CSMD1: variants seen among roughly 807,000 people sequenced by gnomAD.
The protein encoded by CSMD1 is CUB and Sushi multiple domains 1, also known as CUB and sushi domain-containing protein 1.
Under a neutral mutation model 417.5 loss-of-function variants are expected in CSMD1, and 213 were observed. The ratio of observed to expected loss-of-function variants is 0.51; its 90% confidence interval spans 0.46 to 0.57. The LOEUF (loss-of-function observed/expected upper bound fraction) is 0.57. CSMD1 is among the 20% of genes least tolerant of loss of function. The pLI, the probability that CSMD1 is intolerant of heterozygous loss-of-function variation, is 0.00. For missense variants in CSMD1, 6,923 were observed against 4,529.7 expected (o/e 1.53, Z -15.17); for synonymous variants, 2,862 against 1,736.8 (o/e 1.65, Z -16.11).
chr8:3,760,246 G>T (rs1797918517), intron 5 of CSMD1, among the ~76,000 whole-genome samples: 1 of 152,124 alleles, frequency 6.6e-6, no homozygotes, highest in South Asian at 2.1e-4. Flanking sequence ...TTTAGAGATG[G>T]CAAAAGGAAC....
intron 5 of CSMD1, among the ~76,000 whole-genome samples, chr8:3,926,092 C>CACACACACACACAAACACCAT (rs1809674751): frequency 6.1e-5 from 3 of 49,506 alleles, no homozygotes; most frequent in Admixed American, 2.3e-4. Flanking sequence ...TACACACACA[C>CACACACACACACAAACACCAT]ACACACACAC....
intron 49 of CSMD1, among the ~76,000 whole-genome samples, chr8:3,065,702 AAGATGATAGATAGGAGAT>A (rs1214757683): frequency 2.0e-5 from 3 of 152,220 alleles, no homozygotes; most frequent in African/African-American, 7.2e-5. Context: ...CAGAGAAAGA[AAGATGATAGATAGGAGAT>A]AGCCTACAAA....
intron 2 of CSMD1, among the ~76,000 whole-genome samples, chr8:4,568,883 C>CT (rs1486369338): frequency 6.6e-6 from 1 of 152,096 alleles, no homozygotes; most frequent in Non-Finnish European, 1.5e-5. Context: ...GATGATGATC[C>CT]TTTTTTTCAT....
intron 2 of CSMD1, among the ~76,000 whole-genome samples, chr8:4,591,795 A>T (rs1246030916): frequency 6.6e-6 from 1 of 152,210 alleles, no homozygotes; most frequent in African/African-American, 2.4e-5. Flanking sequence ...GAATGTACTC[A>T]GCAATGAGGC....
intron 50 of CSMD1, among the ~76,000 whole-genome samples, chr8:3,048,875 T>TAA (rs71199529): frequency 9.7e-5 from 14 of 143,996 alleles, no homozygotes; most frequent in African/African-American, 3.6e-4. Flanking sequence ...AAAGAACTCT[T>TAA]AAAAAAAAAA....
In CSMD1 at chr8:4,042,981, A is replaced by T. The variant is rs912709213; in HGVS notation, c.416-10882T>A. ...CCTCTACTAAATATGGGAAAAAAAA[A>T]ATTAGCTGGGTGTGGTGACTTGCAC... On this transcript the variant is annotated intron_variant, in intron 3 of 69. Transcript: ENST00000635120. 1.3e-5 allele frequency among the ~76,000 whole-genome samples: 2 copies of T among 151,914 alleles called. 1 individual carries two copies.
intron 10 of CSMD1, among the ~76,000 whole-genome samples, chr8:3,496,520 C>T (rs1235212499): frequency 6.6e-6 from 1 of 152,154 alleles, no homozygotes; most frequent in South Asian, 2.1e-4. Flanking sequence ...ACCCTCTTAG[C>T]ACTGCTTTTA....
intron 3 of CSMD1, among the ~76,000 whole-genome samples, chr8:4,179,269 T>C (rs1054951108): frequency 2.0e-5 from 3 of 151,952 alleles, no homozygotes; most frequent in African/African-American, 7.3e-5. Flanking sequence ...TCAGAAATAA[T>C]GCCACGTATC....
At chr8:3,168,949 AATTAT>A (rs1820411329) in intron 37 of CSMD1, among the ~76,000 whole-genome samples, 1 of 152,124 alleles carries the variant, frequency 6.6e-6, no homozygotes, top group East Asian at 1.9e-4. Flanking sequence ...GGGGCTCACA[AATTAT>A]ATTAGCATTT....
intron 3 of CSMD1, among the ~76,000 whole-genome samples, chr8:4,386,356 C>G (rs868039036): frequency 2.9e-4 from 44 of 152,012 alleles, no homozygotes; most frequent in African/African-American, 1.0e-3. Context: ...CCATCCCACT[C>G]AAACAATATA....
intron 3 of CSMD1, among the ~76,000 whole-genome samples, chr8:4,278,083 T>G (rs533848079): frequency 6.6e-6 from 1 of 152,306 alleles, no homozygotes; most frequent in South Asian, 2.1e-4. Flanking sequence ...ATTAAAATGC[T>G]ACATTTATAA....
intron 5 of CSMD1, among the ~76,000 whole-genome samples, chr8:3,973,728 G>T (rs933455653): frequency 6.6e-6 from 1 of 152,148 alleles, no homozygotes; most frequent in African/African-American, 2.4e-5. Context: ...AAGAACAGTG[G>T]CTATTTCATT....
chr8:4,096,353 C>T (rs1227304628), intron 3 of CSMD1, among the ~76,000 whole-genome samples: 2 of 152,108 alleles, frequency 1.3e-5, no homozygotes, highest in African/African-American at 4.8e-5. Context: ...CTTGGATTTC[C>T]ATATGGGGCT....
chr8:4,373,612 T>G (rs749701719), intron 3 of CSMD1, among the ~76,000 whole-genome samples: 2 of 152,258 alleles, frequency 1.3e-5, no homozygotes, highest in African/African-American at 2.4e-5. Context: ...TGGTGATTCA[T>G]GAACATAACT....
At chr8:4,061,140 C>G (rs1293707571) in intron 3 of CSMD1, among the ~76,000 whole-genome samples, 1 of 152,172 alleles carries the variant, frequency 6.6e-6, no homozygotes, top group South Asian at 2.1e-4. Flanking sequence ...AGGCTCATCT[C>G]ATCCCCATCC....
chr8:3,082,391 G>A (rs1479005472), intron 49 of CSMD1, among the ~76,000 whole-genome samples: 2 of 152,214 alleles, frequency 1.3e-5, no homozygotes, highest in Admixed American at 6.5e-5. Context: ...CCAACCCATC[G>A]TCCTCCACCA....
At chr8:4,259,165 G>A (rs1470135909) in intron 3 of CSMD1, among the ~76,000 whole-genome samples, 1 of 152,154 alleles carries the variant, frequency 6.6e-6, no homozygotes, top group Non-Finnish European at 1.5e-5. Flanking sequence ...CACACACGAA[G>A]CTAAGGGCCA....
chr8:3,673,844 A>C (rs73183327), intron 7 of CSMD1, among the ~76,000 whole-genome samples: 1 of 152,110 alleles, frequency 6.6e-6, no homozygotes, highest in African/African-American at 2.4e-5. Flanking sequence ...AGGGCCAGGC[A>C]TGGTGGCTCA....
At chr8:4,121,285 T>G (rs879271832) in intron 3 of CSMD1, among the ~76,000 whole-genome samples, 3 of 151,972 alleles carry the variant, frequency 2.0e-5, no homozygotes, top group Non-Finnish European at 4.4e-5. Context: ...CAGCTCGTTT[T>G]TGTATTTTTA....
Sources: allele counts gnomAD v4.1 joint callset (sites outside exome capture counted in the v4.1 genomes callset), GRCh38; gene constraint gnomAD v4.1.1; transcripts MANE v1.5; gene names NCBI Gene and HGNC (gene_info 2026-07-23, HGNC 2026-07-21).